Variants in PRDM16 observed in about 807,000 individuals in gnomAD.
The protein encoded by PRDM16 is histone-lysine N-methyltransferase PRDM16.
In PRDM16, 23 loss-of-function variants were observed where a neutral mutation model predicts 110.6. That is an observed-to-expected ratio of 0.21 (90% confidence interval 0.15 to 0.29). The LOEUF (loss-of-function observed/expected upper bound fraction) is 0.29. Among genes scored for constraint, PRDM16 ranks in the 10% least tolerant of loss-of-function variants. The probability of loss-of-function intolerance (pLI) is 1.00; values close to 1 mark genes in which losing one functional copy is unlikely to be tolerated. For missense variants in PRDM16, 1,615 were observed against 1,794.3 expected, an observed-to-expected ratio of 0.90 and a Z score of 1.81; for synonymous variants, 799 against 781.8, an observed-to-expected ratio of 1.02 and a Z score of -0.37.
chr1:3,123,006 G>C (rs887374943), intron 1 of PRDM16, among the ~76,000 whole-genome samples: 1 of 152,188 alleles, frequency 6.6e-6, no homozygotes, highest in Non-Finnish European at 1.5e-5. Context: ...AAGGGGCCAA[G>C]GTGGGTGGGA....
Position 3,226,666 on chromosome 1 carries a change from T to G in PRDM16, c.388-17421T>G, listed in dbSNP as rs1479299684. On this transcript the variant is annotated intron_variant, in intron 2 of 16. Coordinates refer to ENST00000270722, the MANE Select transcript of PRDM16 (RefSeq NM_022114.4). ...TCTAAATTTATAATAAAAATAAATGTTTCCCCTTCCTGACGTTGAAGGCCA... is the reference window on the plus strand; with the variant it reads ...TCTAAATTTATAATAAAAATAAATGGTTCCCCTTCCTGACGTTGAAGGCCA... Among the ~76,000 whole-genome samples, 3 of 152,306 alleles carry G rather than the reference T, an allele frequency of 2.0e-5. No individual in the cohort carries two copies. In the East Asian group the frequency reaches 5.8e-4, roughly 29 times the overall value.
Position 3,143,310 on chromosome 1 carries a change from G to T in PRDM16, c.38-42815G>T, listed in dbSNP as rs1170671010. 6.6e-6 allele frequency among the ~76,000 whole-genome samples: 1 copy of T among 152,110 alleles called. No individual in the cohort carries two copies. The highest frequency in any genetic ancestry group is 1.5e-5 in the Non-Finnish European group (1 of 68,014). ...GTCCGGGCTGAGGACTTCGTCAGGT[G>T]TCAGGACTCGGGACAGCAGGACCCT... is the stretch of plus-strand genomic sequence containing the variant. On this transcript the variant is annotated intron_variant, in intron 1 of 16. Coordinates refer to ENST00000270722, the MANE Select transcript of PRDM16 (RefSeq NM_022114.4). This position sits in a 1 kb window ranked among gnomAD's most constrained non-coding sequence, Gnocchi z 4.5.
intron 3 of PRDM16, chr1:3,308,842 A>G (rs1641373038): frequency 6.6e-6 from 1 of 152,114 alleles, no homozygotes; most frequent in Admixed American, 6.5e-5. Context: ...TCCTCTCCCA[A>G]CGTGGTCATG....
chr1:3,405,453 G>A, intron 7 of PRDM16, 42 bp from the exon 8 acceptor site: 1 of 1,511,712 alleles, frequency 6.6e-7, no homozygotes, highest in Non-Finnish European at 8.9e-7. Flanking sequence ...GCCAAGGCGG[G>A]TGTCCAGGCA....
At chr1:3,204,174 A>G (rs944839306) in intron 2 of PRDM16, among the ~76,000 whole-genome samples, 1 of 152,322 alleles carries the variant, frequency 6.6e-6, no homozygotes, top group South Asian at 2.1e-4. Flanking sequence ...CCATTTGGAG[A>G]TAATGTTAGT....
chr1:3,135,313 C>G lies in PRDM16; in HGVS notation c.38-50812C>G, dbSNP rs113845089. On this transcript the variant is annotated intron_variant, in intron 1 of 16. Transcript: ENST00000270722. ...AGGTCTGCGGTGGGGGCAGGGCGGG[C>G]CACGTGAGGCCCTTCATCGTACCCA... 5.9e-5 allele frequency among the ~76,000 whole-genome samples: 9 copies of G among 152,314 alleles called. No individual in the cohort carries two copies. In the East Asian group the frequency reaches 1.4e-3, roughly 23 times the overall value.
At chr1:3,403,504 G>T (rs1424577705) in intron 6 of PRDM16, among the ~76,000 whole-genome samples, 1 of 152,220 alleles carries the variant, frequency 6.6e-6, no homozygotes, top group East Asian at 1.9e-4. Context: ...AGAGCCAGAA[G>T]GGGTCACCCC....
chr1:3,221,622 T>C (rs1445939687), intron 2 of PRDM16, among the ~76,000 whole-genome samples: 1 of 152,206 alleles, frequency 6.6e-6, no homozygotes, highest in African/African-American at 2.4e-5. Context: ...AGGGGCAGCC[T>C]CTTGCATTTC....
chr1:3,274,021 G>A (rs1032479913), intron 3 of PRDM16, among the ~76,000 whole-genome samples: 1 of 143,982 alleles, frequency 6.9e-6, no homozygotes, highest in Admixed American at 6.9e-5. Flanking sequence ...GGAACCAGCC[G>A]CATCCATCTC....
intron 1 of PRDM16, among the ~76,000 whole-genome samples, chr1:3,150,899 CG>C (rs1288476683): frequency 3.5e-3 from 306 of 87,594 alleles, no homozygotes; most frequent in African/African-American, 9.6e-3. Flanking sequence ...GCTATGGAAA[CG>C]GGGGGGCTGG....
chr1:3,257,460 C>T (rs774219890), intron 3 of PRDM16, among the ~76,000 whole-genome samples: 2 of 152,168 alleles, frequency 1.3e-5, no homozygotes, highest in African/African-American at 2.4e-5. Context: ...CAAGTTTTTA[C>T]CACAAGCAGA....
chr1:3,244,194 G>A lies in PRDM16; in HGVS notation c.438+57G>A, dbSNP rs553833399. 16 of 1,533,656 alleles carry A rather than the reference G, an allele frequency of 1.0e-5. No individual in the cohort carries two copies. Among genetic ancestry groups the A allele is most frequent in the South Asian group, 2.2e-5 (2 of 89,456 alleles). ...CCCCAGCGTCCTCGGAGCTCCTGGC[G>A]GGGCGACCGCCATCCCAGCTGTCCC... On this transcript the variant is annotated intron_variant, in intron 3 of 16. Transcript: ENST00000270722. The surrounding 1 kb of genome is among the most constrained non-coding windows in gnomAD (Gnocchi z 4.1).
chr1:3,314,596 C>G (rs899713654), intron 3 of PRDM16, among the ~76,000 whole-genome samples: 4 of 152,050 alleles, frequency 2.6e-5, no homozygotes, highest in Admixed American at 2.0e-4. Context: ...CTCTCCCCCC[C>G]TCCCTCCTTC....
rs1157812385 is a variant in PRDM16 at position 3,437,009 on chromosome 1, C to T, written c.*3198C>T. 4 of 233,130 alleles carry T rather than the reference C, an allele frequency of 1.7e-5. No individual in the cohort carries two copies. The highest frequency in any genetic ancestry group is 1.2e-4 in the East Asian group (2 of 16,580). The allele number at this position is 233,130 out of a possible 1,614,324, so 14.4% of individuals were successfully genotyped here. On this transcript the variant is annotated 3_prime_UTR_variant, in exon 17 of 17. Transcript: ENST00000270722. ...GCCGACGTCCCCACCCGTTCCTGCT[C>T]TCATCCCCAGGTTGGGCACGTGGGG...
At chr1:3,268,042 G>A (rs757429986) in intron 3 of PRDM16, among the ~76,000 whole-genome samples, 2 of 152,212 alleles carry the variant, frequency 1.3e-5, no homozygotes, top group Non-Finnish European at 2.9e-5. Flanking sequence ...AGGGGCCTGC[G>A]GACCACGGCT....
At chr1:3,380,893 T>C (rs1295780664) in intron 3 of PRDM16, among the ~76,000 whole-genome samples, 1 of 152,010 alleles carries the variant, frequency 6.6e-6, no homozygotes, top group Non-Finnish European at 1.5e-5. Flanking sequence ...AGCACAGTGA[T>C]ATGGGCCTGG....
intron 1 of PRDM16, among the ~76,000 whole-genome samples, chr1:3,122,143 C>T (rs936793103): frequency 9.9e-5 from 15 of 152,160 alleles, no homozygotes; most frequent in Non-Finnish European, 2.1e-4. Context: ...CACAGACAGC[C>T]GGGCTGTGTG....
intron 4 of PRDM16, among the ~76,000 whole-genome samples, chr1:3,389,897 C>T (rs1182933228): frequency 2.7e-5 from 4 of 150,524 alleles, no homozygotes; most frequent in South Asian, 2.1e-4. Context: ...CGAGCATGAG[C>T]GGAAGGCACA....
intron 3 of PRDM16, among the ~76,000 whole-genome samples, chr1:3,362,264 A>G (rs1642728732): frequency 6.6e-6 from 1 of 152,242 alleles, no homozygotes; most frequent in Admixed American, 6.5e-5. Context: ...AATGTCAAAC[A>G]TGATGGAAAG....
Sources: gnomAD v4.1 joint callset for allele counts (sites outside exome capture counted in the v4.1 genomes callset) on GRCh38, gnomAD v4.1.1 for gene constraint, Gnocchi (gnomAD v3.1) non-coding constraint, MANE v1.5 for transcripts, NCBI Gene and HGNC (gene_info 2026-07-23, HGNC 2026-07-21) for gene names.